Variants in ASIC2 observed in about 807,000 individuals in gnomAD.
ASIC2 encodes the protein acid sensing ion channel subunit 2.
A neutral mutation model predicts 57.3 loss-of-function variants in ASIC2; 25 were observed. That is an observed-to-expected ratio of 0.44 (90% CI 0.32 to 0.61). The LOEUF (loss-of-function observed/expected upper bound fraction) is 0.61. Among genes scored for constraint, ASIC2 ranks in the 20% least tolerant of loss-of-function variants. The pLI is 0.06. For synonymous variants in ASIC2, 319 were observed against 307.5 expected (o/e 1.04, Z -0.39); for missense variants, 641 against 738.1 (o/e 0.87, Z 1.52).
chr17:33,521,806 T>A (rs1914749833), intron 1 of ASIC2, among the ~76,000 whole-genome samples: 1 of 152,074 alleles, frequency 6.6e-6, no homozygotes, highest in Admixed American at 6.5e-5. Flanking sequence ...CAAAACCTCA[T>A]CCCCGCTCCT....
chr17:33,463,020 ATCT>A (rs1439378008), intron 1 of ASIC2, among the ~76,000 whole-genome samples: 3 of 152,148 alleles, frequency 2.0e-5, no homozygotes, highest in Non-Finnish European at 4.4e-5. Context: ...GCTATATATC[ATCT>A]TCTCCAATTC....
At chr17:33,263,265 C>A (rs1909348176) in intron 1 of ASIC2, among the ~76,000 whole-genome samples, 1 of 152,176 alleles carries the variant, frequency 6.6e-6, no homozygotes, top group South Asian at 2.1e-4. Flanking sequence ...TCTCTCTAAG[C>A]TGTGAGGACA....
chr17:33,476,705 C>A (rs973377505), intron 1 of ASIC2, among the ~76,000 whole-genome samples: 28 of 151,950 alleles, frequency 1.8e-4, no homozygotes, highest in African/African-American at 6.8e-4. Flanking sequence ...AGGGACAAAT[C>A]GTTCATGTGT....
At chr17:33,503,242 A>C (rs925555896) in intron 1 of ASIC2, among the ~76,000 whole-genome samples, 3 of 152,236 alleles carry the variant, frequency 2.0e-5, no homozygotes, top group African/African-American at 7.2e-5. Flanking sequence ...TTAGGTTAAA[A>C]GTTGTGATAA....
intron 1 of ASIC2, among the ~76,000 whole-genome samples, chr17:33,847,145 C>T (rs1029918834): frequency 2.0e-5 from 3 of 151,530 alleles, no homozygotes; most frequent in African/African-American, 7.3e-5. Flanking sequence ...AAAACAGAGA[C>T]TTCTGGGAGG....
chr17:34,148,389 T>C (rs917255693), intron 1 of ASIC2, among the ~76,000 whole-genome samples: 11 of 152,122 alleles, frequency 7.2e-5, no homozygotes, highest in Admixed American at 2.0e-4. Flanking sequence ...AACTGGAAGA[T>C]CCCAAACGGA....
intron 1 of ASIC2, among the ~76,000 whole-genome samples, chr17:33,159,999 A>G (rs1400450306): frequency 6.6e-6 from 1 of 152,108 alleles, no homozygotes; most frequent in African/African-American, 2.4e-5. Context: ...GCGTGAGCTC[A>G]GAAGTTTGAG....
chr17:33,461,194 C>T (rs906906302), intron 1 of ASIC2, among the ~76,000 whole-genome samples: 1 of 152,226 alleles, frequency 6.6e-6, no homozygotes, highest in Admixed American at 6.5e-5. Flanking sequence ...CAAGGAAGCA[C>T]TCAGTGGGAT....
intron 1 of ASIC2, among the ~76,000 whole-genome samples, chr17:33,940,509 C>T (rs1916164657): frequency 6.6e-6 from 1 of 152,148 alleles, no homozygotes; most frequent in South Asian, 2.1e-4. Context: ...CCCCTCCCTC[C>T]CTCCTTCACT....
intron 3 of ASIC2, among the ~76,000 whole-genome samples, chr17:33,054,922 T>C (rs2091992101): frequency 6.6e-6 from 1 of 152,164 alleles, no homozygotes; most frequent in African/African-American, 2.4e-5. Context: ...ACACATTTCA[T>C]GCCACGCCAT....
intron 3 of ASIC2, among the ~76,000 whole-genome samples, chr17:33,029,726 T>A (rs923293709): frequency 3.3e-5 from 5 of 152,206 alleles, no homozygotes; most frequent in Non-Finnish European, 7.3e-5. Context: ...TCCAAAGTGG[T>A]TCTTCTATTT....
chr17:33,826,928 T>C (rs1555564607), intron 1 of ASIC2, among the ~76,000 whole-genome samples: 3 of 152,172 alleles, frequency 2.0e-5, no homozygotes, highest in Non-Finnish European at 4.4e-5. Flanking sequence ...CTAAATTACA[T>C]GGCATAGAGA....
At chr17:33,188,124 A>G (rs1369283176) in intron 1 of ASIC2, among the ~76,000 whole-genome samples, 1 of 152,056 alleles carries the variant, frequency 6.6e-6, no homozygotes, top group Non-Finnish European at 1.5e-5. Context: ...AGACAATGGA[A>G]GACATAAAAA....
chr17:33,047,192 C>A (rs972324523), intron 3 of ASIC2, among the ~76,000 whole-genome samples: 1 of 152,226 alleles, frequency 6.6e-6, no homozygotes, highest in Admixed American at 6.5e-5. Flanking sequence ...AGGGTGAAAT[C>A]TGGGATCCAA....
At chr17:33,982,078 A>C (rs1905646218) in intron 1 of ASIC2, among the ~76,000 whole-genome samples, 1 of 152,168 alleles carries the variant, frequency 6.6e-6, no homozygotes, top group African/African-American at 2.4e-5. Flanking sequence ...GCTTAGACAG[A>C]TCTGCATCCT....
intron 1 of ASIC2, among the ~76,000 whole-genome samples, chr17:33,382,748 G>A (rs1267854172): frequency 6.6e-6 from 1 of 152,210 alleles, no homozygotes; most frequent in Non-Finnish European, 1.5e-5. Flanking sequence ...CTGAAGCAGG[G>A]ACTGCGTCAT....
intron 3 of ASIC2, among the ~76,000 whole-genome samples, chr17:33,035,957 C>A (rs2091907181): frequency 6.6e-6 from 1 of 152,204 alleles, no homozygotes; most frequent in African/African-American, 2.4e-5. Context: ...TGGTTGAGCT[C>A]CATCCCCAGT....
chr17:33,090,127 T>G (rs2092151713), intron 2 of ASIC2, among the ~76,000 whole-genome samples: 1 of 152,188 alleles, frequency 6.6e-6, no homozygotes, highest in Non-Finnish European at 1.5e-5. Context: ...GGATTGGGCA[T>G]CACTGGTACC....
chr17:33,969,912 C>T (rs1414540648), intron 1 of ASIC2, among the ~76,000 whole-genome samples: 1 of 152,134 alleles, frequency 6.6e-6, no homozygotes, highest in Non-Finnish European at 1.5e-5. Context: ...TAACTTTCCA[C>T]TCTGGGCTAG....
Sources: gnomAD v4.1 joint callset for allele counts (sites outside exome capture counted in the v4.1 genomes callset) on GRCh38, gnomAD v4.1.1 for gene constraint, MANE v1.5 for transcripts, NCBI Gene and HGNC (gene_info 2026-07-23, HGNC 2026-07-21) for gene names.